IQCB1: variants seen among roughly 807,000 people sequenced by gnomAD.
The protein encoded by IQCB1 is IQ motif containing B1.
In IQCB1, 56 loss-of-function variants were observed where a neutral mutation model predicts 84.4. The observed-to-expected ratio is 0.66, with a 90% CI of 0.54 to 0.83. The LOEUF is 0.83. Among genes scored for constraint, IQCB1 ranks in the 40% least tolerant of loss-of-function variants. IQCB1 has a pLI of 0.00. For missense variants in IQCB1, 629 were observed against 682.1 expected (o/e 0.92, Z 0.87); for synonymous variants, 210 against 234.8 (o/e 0.89, Z 0.96).
intron 12 of IQCB1, among the ~76,000 whole-genome samples, chr3:121,782,854 AT>A (rs1217100018): frequency 6.6e-6 from 1 of 151,916 alleles, no homozygotes; most frequent in Non-Finnish European, 1.5e-5. Flanking sequence ...TAATTTTTGT[AT>A]TTTTTAGTAG....
chr3:121,802,596 T>C (rs986077155), intron 7 of IQCB1, among the ~76,000 whole-genome samples: 3 of 152,166 alleles, frequency 2.0e-5, no homozygotes, highest in African/African-American at 7.2e-5. Context: ...CTCAAAAAAC[T>C]TCAATCTTCC....
chr3:121,782,927 G>A (rs796188632), intron 12 of IQCB1, among the ~76,000 whole-genome samples: 23 of 152,172 alleles, frequency 1.5e-4, no homozygotes, highest in Admixed American at 5.9e-4. Context: ...TGCCCGCCTC[G>A]GCCTCCCAAA....
chr3:121,819,352 T>C (rs1950191240), intron 5 of IQCB1, among the ~76,000 whole-genome samples: 2 of 152,106 alleles, frequency 1.3e-5, no homozygotes, highest in South Asian at 2.1e-4. Flanking sequence ...GAATCTAATG[T>C]TACCGCTGAT....
intron 9 of IQCB1, 71 bp downstream of exon 9, chr3:121,797,047 C>T: frequency 4.9e-6 from 4 of 818,930 alleles, no homozygotes; most frequent in Non-Finnish European, 8.6e-6. Flanking sequence ...AAGTGAGGAA[C>T]ATTTAAGGAA....
In IQCB1 at chr3:121,828,877, T is replaced by C; in HGVS notation, c.84A>G (p.Ile28Met). ...AKSPEQNVPV[I>M]LLKLKEIINI... ...TTTTCTTACCTTTTAACTTCAACAG[T>C]ATAACAGGGACATTCTGCTCAGGGC... Residue 28 changes from isoleucine (I) to methionine (M), a missense_variant, in exon 3 of 15, where the codon ATA (isoleucine) becomes ATG (methionine). Coordinates refer to ENST00000310864, the MANE Select transcript of IQCB1 (RefSeq NM_001023570.4). 1 of 1,595,454 alleles carries C rather than the reference T, an allele frequency of 6.3e-7. No homozygotes were observed. The highest frequency in any genetic ancestry group is 8.6e-7 in the Non-Finnish European group (1 of 1,164,278).
intron 5 of IQCB1, among the ~76,000 whole-genome samples, chr3:121,813,675 A>C (rs1390117009): frequency 1.3e-5 from 2 of 152,230 alleles, no homozygotes; most frequent in African/African-American, 4.8e-5. Context: ...AAAGACAAAG[A>C]AGGGCATTAT....
chr3:121,795,599 T>C, intron 9 of IQCB1, 33 bp from the exon 10 acceptor site: 4 of 1,203,138 alleles, frequency 3.3e-6, no homozygotes, highest in Middle Eastern at 1.9e-4. Flanking sequence ...GAGATATCTC[T>C]AGGAAGGTCT....
chr3:121,788,761 G>A (rs909172518), intron 11 of IQCB1, among the ~76,000 whole-genome samples: 2 of 151,384 alleles, frequency 1.3e-5, no homozygotes, highest in Admixed American at 6.6e-5. Context: ...TACCACCAGA[G>A]GGAAAGGGCA....
intron 13 of IQCB1, among the ~76,000 whole-genome samples, chr3:121,778,918 G>T (rs929394558): frequency 7.3e-5 from 11 of 149,676 alleles, no homozygotes; most frequent in Non-Finnish European, 1.0e-4. Flanking sequence ...AAAAAAAAAG[G>T]TATCTTCTTG....
intron 4 of IQCB1, among the ~76,000 whole-genome samples, chr3:121,826,404 A>C (rs1950468936): frequency 6.6e-6 from 1 of 152,252 alleles, no homozygotes; most frequent in South Asian, 2.1e-4. Flanking sequence ...AAAAACCTAC[A>C]TATCAGCTCA....
intron 4 of IQCB1, among the ~76,000 whole-genome samples, chr3:121,826,675 T>G (rs1023849799): frequency 1.3e-5 from 2 of 152,150 alleles, no homozygotes; most frequent in Non-Finnish European, 2.9e-5. Flanking sequence ...AAATACTCAT[T>G]TGCATATTCC....
rs762225545 is a variant in IQCB1, at chr3:121,795,244, T to C, written c.986+213A>G. Reference sequence around the variant, plus strand: ...CAAATATCTTATTAAGTGGATAGGATTGCATATTTGACACATCAGATTCCT... The same window carrying C: ...CAAATATCTTATTAAGTGGATAGGACTGCATATTTGACACATCAGATTCCT... On this transcript the variant is annotated intron_variant, in intron 10 of 14. Transcript: ENST00000310864. Among the ~76,000 whole-genome samples, 8 of 152,044 alleles carry C rather than the reference T, an allele frequency of 5.3e-5. No homozygotes were observed. In the South Asian group the frequency reaches 6.2e-4, roughly 12 times the overall value.
chr3:121,772,470 G>T, intron 14 of IQCB1, 87 bp downstream of exon 14: 1 of 1,342,500 alleles, frequency 7.4e-7, no homozygotes, highest in Non-Finnish European at 1.1e-6. Flanking sequence ...AAGATGCTTA[G>T]TAATGGTTTC....
At chr3:121,783,107 T>C (rs1948572713) in intron 12 of IQCB1, among the ~76,000 whole-genome samples, 1 of 152,224 alleles carries the variant, frequency 6.6e-6, no homozygotes, top group African/African-American at 2.4e-5. Flanking sequence ...CCTGAAAAGT[T>C]TGCTGATGTA....
intron 13 of IQCB1, among the ~76,000 whole-genome samples, chr3:121,780,922 C>T (rs1044763287): frequency 1.3e-5 from 2 of 151,916 alleles, no homozygotes; most frequent in Non-Finnish European, 2.9e-5. Flanking sequence ...ACAAACACCA[C>T]CACCACAATC....
chr3:121,821,499 C>T (rs1236935623), intron 5 of IQCB1, among the ~76,000 whole-genome samples: 1 of 152,184 alleles, frequency 6.6e-6, no homozygotes, highest in Admixed American at 6.5e-5. Context: ...CTACTCTTCC[C>T]CTTTATAGAA....
intron 10 of IQCB1, 24 bp downstream of exon 10, chr3:121,795,433 A>G: frequency 8.7e-7 from 1 of 1,152,514 alleles, no homozygotes; most frequent in Non-Finnish European, 1.3e-6. Context: ...TATGATCATC[A>G]ATCCCCTCAC....
chr3:121,807,900 A>C (rs1949669504), intron 6 of IQCB1, among the ~76,000 whole-genome samples: 1 of 151,940 alleles, frequency 6.6e-6, no homozygotes, highest in Non-Finnish European at 1.5e-5. Context: ...CTAACTACAA[A>C]AATTTCCTTT....
rs564614784 is a variant in IQCB1 at position 121,828,285 on chromosome 3, TAGAC to T, written c.263+181_263+184del. Among the ~76,000 whole-genome samples the T allele has an allele frequency of 8.3e-4, 126 of 152,286 alleles. 1 individual carries two copies. Among genetic ancestry groups the T allele is most frequent in the Non-Finnish European group, 1.4e-3 (97 of 67,984 alleles). On this transcript the variant is annotated intron_variant, in intron 4 of 14. Transcript: ENST00000310864. Reference sequence around the variant, plus strand: ...TCATTAAGCTTGTGGAGGAAAATTTTAGACAGTCAAATAATCTGAAGTAAAATTA... The same window carrying T: ...TCATTAAGCTTGTGGAGGAAAATTTTAGTCAAATAATCTGAAGTAAAATTA...
Sources: gnomAD v4.1 joint callset for allele counts (sites outside exome capture counted in the v4.1 genomes callset) on GRCh38, gnomAD v4.1.1 for gene constraint, MANE v1.5 for transcripts, NCBI Gene and HGNC (gene_info 2026-07-23, HGNC 2026-07-21) for gene names.